The following ZNF469 variants were observed in gnomAD, a reference collection of about 807,000 sequenced individuals.
ZNF469 encodes zinc finger protein 469.
A neutral mutation model predicts 1.0 loss-of-function variants in ZNF469; 1 was observed. The ratio of observed to expected loss-of-function variants is 1.00; its 90% CI spans 0.35 to 4.73. The LOEUF is 4.73. ZNF469 is among the 30% of genes most tolerant of loss of function. ZNF469 has a pLI of 0.16. For missense variants in ZNF469, 6,100 were observed against 5,356.3 expected (o/e 1.14, Z -4.33); for synonymous variants, 2,703 against 2,363.4 (o/e 1.14, Z -4.17).
the ZNF469 span, among the ~76,000 whole-genome samples, chr16:88,201,791 C>G: frequency 6.6e-6 from 1 of 152,192 alleles, no homozygotes; most frequent in South Asian, 2.1e-4. This position sits in a 1 kb window ranked among gnomAD's most constrained non-coding sequence, Gnocchi z 5.0. Context: ...GATGAGGAAA[C>G]TGAGGCTGGG....
At chr16:88,410,456 A>G (rs1258624538) in intron 1 of ZNF469, among the ~76,000 whole-genome samples, 1 of 126,048 alleles carries the variant, frequency 7.9e-6, no homozygotes, top group African/African-American at 3.1e-5. Flanking sequence ...ACACAGTGAC[A>G]TCTATGATGC....
chr16:88,384,102 C>G (rs1161731237), intron 1 of ZNF469, among the ~76,000 whole-genome samples: 1 of 152,250 alleles, frequency 6.6e-6, no homozygotes, highest in Non-Finnish European at 1.5e-5. Context: ...TCATCCCCAG[C>G]CGTGAGCCAT....
intron 1 of ZNF469, among the ~76,000 whole-genome samples, chr16:88,420,968 C>T (rs891927947): frequency 5.3e-5 from 8 of 152,114 alleles, no homozygotes; most frequent in African/African-American, 1.7e-4. Flanking sequence ...GGAGGGGCAA[C>T]CCAATCCGAG....
rs1225758586 is a variant in ZNF469, at chr16:88,436,844, G to A, written c.9374G>A (p.Arg3125His). ...YKCKVCFQRF[R>H]SLGELDLHKL... ...TGCAAAGTGTGCTTCCAGCGCTTCC[G>A]CAGCCTGGGCGAGCTGGACCTGCAC... Residue 3125 changes from arginine (R) to histidine (H), a missense_variant, in exon 3 of 3, where the codon CGC becomes CAC. Physicochemically the swap from Arg to His is conservative, Grantham distance 29. Transcript: ENST00000565624. 2.0e-6 allele frequency: 3 copies of A among 1,532,086 alleles called. No homozygotes were observed. Among genetic ancestry groups the A allele is most frequent in the South Asian group, 1.2e-5 (1 of 83,420 alleles). The allele number at this position is 1,532,086 out of a possible 1,614,324, so 94.9% of individuals were successfully genotyped here. A position where few individuals can be genotyped will look rare whatever the true frequency, so the allele number is the denominator to read the frequency against.
chr16:88,314,245 A>G, the ZNF469 span, among the ~76,000 whole-genome samples: 14 of 117,250 alleles, frequency 1.2e-4, no homozygotes, highest in East Asian at 4.9e-4. Flanking sequence ...ATGCTGGTGT[A>G]GAATATCTCT....
the ZNF469 span, among the ~76,000 whole-genome samples, chr16:88,136,050 C>T: frequency 5.1e-4 from 77 of 152,212 alleles, no homozygotes; most frequent in Non-Finnish European, 8.1e-4. Flanking sequence ...TGAGCCACCG[C>T]GCCCGGCCAG....
the ZNF469 span, chr16:88,235,024 G>A: frequency 1.3e-5 from 2 of 152,312 alleles, no homozygotes; most frequent in African/African-American, 4.8e-5. Context: ...GACTTGGGAA[G>A]GAGAGGGATG....
the ZNF469 span, among the ~76,000 whole-genome samples, chr16:88,372,153 C>T: frequency 1.4e-4 from 10 of 73,634 alleles, no homozygotes; most frequent in Admixed American, 5.8e-4. Flanking sequence ...TCCCCATCAT[C>T]GTCACCATCA....
the ZNF469 span, among the ~76,000 whole-genome samples, chr16:88,247,465 T>A: frequency 1.3e-5 from 2 of 149,768 alleles, no homozygotes; most frequent in East Asian, 1.9e-4. Flanking sequence ...AGTGAATGAA[T>A]GAATGAGTGA....
the ZNF469 span, among the ~76,000 whole-genome samples, chr16:88,207,657 C>T: frequency 1.3e-5 from 2 of 151,060 alleles, no homozygotes; most frequent in African/African-American, 2.4e-5. Flanking sequence ...TCGACGGGGC[C>T]GCCCTGCACC....
chr16:88,306,892 G>GT, the ZNF469 span, among the ~76,000 whole-genome samples: 2 of 152,192 alleles, frequency 1.3e-5, no homozygotes, highest in African/African-American at 2.4e-5. Context: ...TTAATTCAGT[G>GT]TTTTTTTGTG....
chr16:88,220,023 C>G, the ZNF469 span, among the ~76,000 whole-genome samples: 10 of 152,204 alleles, frequency 6.6e-5, no homozygotes, highest in African/African-American at 2.2e-4. Flanking sequence ...TCTCCCCTCT[C>G]CAGAGTTCTC....
chr16:88,431,554 G>A lies in ZNF469; in HGVS notation c.4084G>A (p.Asp1362Asn), dbSNP rs997944694. Residue 1362 changes from aspartate to asparagine, a missense_variant, in exon 3 of 3, where the codon GAC becomes AAC. Physicochemically the swap from Asp to Asn is conservative, Grantham distance 23. Coordinates refer to ENST00000565624, the MANE Select transcript of ZNF469 (RefSeq NM_001367624.2). ...FGCDPAGFNRDPLGVPVAKKG... is the reference protein window; with the variant it reads ...FGCDPAGFNRNPLGVPVAKKG... ...CTGTGACCCTGCTGGTTTTAACAGA[G>A]ACCCCTTGGGGGTTCCAGTTGCCAA... The A allele has an allele frequency of 8.4e-6, 13 of 1,550,442 alleles. No homozygotes were observed. Among genetic ancestry groups the A allele is most frequent in the Non-Finnish European group, 1.1e-5 (13 of 1,146,998 alleles).
At chr16:88,171,930 T>C in the ZNF469 span, among the ~76,000 whole-genome samples, 1 of 152,228 alleles carries the variant, frequency 6.6e-6, no homozygotes, top group Non-Finnish European at 1.5e-5. Flanking sequence ...CTCCTGCTGC[T>C]GTAAACTACT....
Position 88,436,003 on chromosome 16 carries a change from A to C in ZNF469, c.8533A>C (p.Ser2845Arg). 5 of 1,550,082 alleles carry C rather than the reference A, an allele frequency of 3.2e-6. No homozygotes were observed. Among genetic ancestry groups the C allele is most frequent in the Non-Finnish European group, 4.4e-6 (5 of 1,146,958 alleles). The change falls in exon 3 of 3, where the codon AGT becomes CGT. Residue 2845 changes from serine (S) to arginine (R), a missense_variant. By Grantham distance (110) the Ser-to-Arg change is moderately radical. Transcript: ENST00000565624. ...EGPTPDASGS[S>R]AKDPPSLFDD... ...CCCCACTCCTGATGCCTCTGGCTCC[A>C]GTGCCAAGGATCCTCCAAGCTTGTT... is the stretch of plus-strand genomic sequence containing the variant.
upstream of ZNF469, among the ~76,000 whole-genome samples, chr16:88,381,238 TCACAGACATGCACTCACACGCACTCA>T (rs1198150227): frequency 3.1e-4 from 22 of 72,108 alleles, no homozygotes; most frequent in Non-Finnish European, 4.8e-4. Flanking sequence ...ACACACGCAC[TCACAGACATGCACTCACACGCACTCA>T]CACAGACATG....
At chr16:88,313,649 G>C in the ZNF469 span, among the ~76,000 whole-genome samples, 2 of 152,142 alleles carry the variant, frequency 1.3e-5, no homozygotes, top group African/African-American at 4.8e-5. Context: ...TTATGATAAT[G>C]CTGGTGTGGA....
chr16:88,220,322 C>G, the ZNF469 span, among the ~76,000 whole-genome samples: 2 of 152,164 alleles, frequency 1.3e-5, no homozygotes, highest in Non-Finnish European at 2.9e-5. Context: ...TGACGCCAAC[C>G]CTGCTATAAA....
At chr16:88,159,547 C>G in the ZNF469 span, among the ~76,000 whole-genome samples, 1 of 152,126 alleles carries the variant, frequency 6.6e-6, no homozygotes, top group Non-Finnish European at 1.5e-5. Flanking sequence ...GCGCAGCGTA[C>G]GGAGAGAGGG....
Sources: gnomAD v4.1 joint callset for allele counts (sites outside exome capture counted in the v4.1 genomes callset) on GRCh38, gnomAD v4.1.1 for gene constraint, Gnocchi (gnomAD v3.1) non-coding constraint, MANE v1.5 for transcripts, NCBI Gene and HGNC (gene_info 2026-07-23, HGNC 2026-07-21) for gene names.